The following NGFR variants were observed in gnomAD, a reference collection of about 807,000 sequenced individuals.
The protein encoded by NGFR is nerve growth factor receptor, also known as tumor necrosis factor receptor superfamily member 16.
NGFR carries 30 observed loss-of-function variants against 43.2 expected under a neutral mutation model. That is an observed-to-expected ratio of 0.69 (90% confidence interval 0.52 to 0.94). NGFR has a LOEUF of 0.94. Ranked by LOEUF, NGFR falls within the 40% of genes least tolerant of loss-of-function variation. The pLI is 0.00. For synonymous variants in NGFR, 246 were observed against 259.6 expected (o/e 0.95, Z 0.50); for missense variants, 529 against 602.5 (o/e 0.88, Z 1.28).
chr17:49,495,793 G>C lies in NGFR; in HGVS notation c.66+310G>C, dbSNP rs2071134859. 1 of 343,332 alleles carries C rather than the reference G, an allele frequency of 2.9e-6. No homozygotes were observed. The highest frequency in any genetic ancestry group is 4.8e-5 in the Admixed American group (1 of 20,816). 21.3% of individuals were successfully genotyped at this position (343,332 alleles called of 1,614,324 possible). A position where few individuals can be genotyped will look rare whatever the true frequency, so the allele number is the denominator to read the frequency against. Reference sequence around the variant, plus strand: ...GGGCATGGGGCTCTCCGATGCCCAGGTTCTTCGGAAGAGGACACTCGAATG... The same window carrying C: ...GGGCATGGGGCTCTCCGATGCCCAGCTTCTTCGGAAGAGGACACTCGAATG... On this transcript the variant is annotated intron_variant, in intron 1 of 5. Coordinates refer to ENST00000172229, the MANE Select transcript of NGFR (RefSeq NM_002507.4). This position sits in a 1 kb window ranked among gnomAD's most constrained non-coding sequence, Gnocchi z 6.4.
Position 49,512,987 on chromosome 17 carries a change from C to T in NGFR, c.1262C>T (p.Ser421Phe). 6.3e-7 allele frequency: 1 copy of T among 1,585,552 alleles called. No individual in the cohort carries two copies. The highest frequency in any genetic ancestry group is 8.6e-7 in the Non-Finnish European group (1 of 1,164,160). Residue 421 changes from serine to phenylalanine, a missense_variant, in exon 6 of 6, where the codon TCC becomes TTC. Transcript: ENST00000172229. This position sits in a 1 kb window ranked among gnomAD's most constrained non-coding sequence, Gnocchi z 5.2. ...CTCGTGGAGAGTCTGTGCAGTGAGT[C>T]CACTGCCACATCCCCGGTGTGAGCC... ...ADLVESLCSE[S>F]TATSPV
intron 4 of NGFR, among the ~76,000 whole-genome samples, chr17:49,511,441 G>A (rs1205624890): frequency 6.6e-6 from 1 of 151,646 alleles, no homozygotes; most frequent in African/African-American, 2.4e-5. Flanking sequence ...ATGTAGATTA[G>A]CTGATCATTT....
At chr17:49,496,139 G>A (rs1490962877) in intron 1 of NGFR, 1 of 153,132 alleles carries the variant, frequency 6.5e-6, no homozygotes, top group Non-Finnish European at 1.5e-5. Context: ...GAGGGCGGCA[G>A]AGAGATGGAA....
At chr17:49,501,896 C>A (rs983042669) in intron 1 of NGFR, among the ~76,000 whole-genome samples, 167 bp from the exon 2 acceptor site, 3 of 152,222 alleles carry the variant, frequency 2.0e-5, no homozygotes, top group African/African-American at 7.2e-5. Flanking sequence ...CTTGCCTTTC[C>A]CCTGTCAGCT....
At chr17:49,508,176 C>T (rs1451226562) in intron 3 of NGFR, among the ~76,000 whole-genome samples, 1 of 152,214 alleles carries the variant, frequency 6.6e-6, no homozygotes, top group African/African-American at 2.4e-5. Flanking sequence ...CCAGGCAGAG[C>T]GCAGGAAGGG....
At chr17:49,498,006 G>A (rs1207921747) in intron 1 of NGFR, among the ~76,000 whole-genome samples, 1 of 152,222 alleles carries the variant, frequency 6.6e-6, no homozygotes, top group Non-Finnish European at 1.5e-5. Context: ...AGTTTCTCTT[G>A]AATTATTTAA....
intron 4 of NGFR, among the ~76,000 whole-genome samples, chr17:49,511,305 G>C (rs1340212472): frequency 2.0e-5 from 3 of 152,038 alleles, no homozygotes; most frequent in Non-Finnish European, 4.4e-5. Context: ...TTATAAACAT[G>C]TATATAAACC....
In NGFR at chr17:49,506,546, C is replaced by A. The variant is rs1466146095; in HGVS notation, c.456C>A (p.Gly152=). ...CCGTGTGCGAGGAGTGCCCCGACGG[C>A]ACGTATTCCGACGAGGCCAACCACG... The part of the protein sequence containing the change: ...QNTVCEECPD[G]TYSDEANHVD... Residue 152 remains glycine, a synonymous_variant, in exon 3 of 6, where the codon GGC becomes GGA. Coordinates refer to ENST00000172229, the MANE Select transcript of NGFR (RefSeq NM_002507.4). 6.2e-7 allele frequency: 1 copy of A among 1,611,778 alleles called. No homozygotes were observed. The highest frequency in any genetic ancestry group is 1.7e-5 in the Admixed American group (1 of 59,976).
At chr17:49,501,958 A>C in intron 1 of NGFR, 105 bp from the exon 2 acceptor site, 2 of 1,200,528 alleles carry the variant, frequency 1.7e-6, no homozygotes, top group Non-Finnish European at 2.3e-6. Context: ...AGGTGGTTCT[A>C]ATAGAAGGCA....
At position 49,510,441 on chromosome 17, in the gene NGFR, A is replaced by C; in HGVS notation, c.598A>C (p.Thr200Pro). ...CCCTGGCCGTTGGATTACACGGTCC[A>C]CACCCCCAGAGGGCTCGGACAGCAC... is the stretch of plus-strand genomic sequence containing the variant. ...EIPGRWITRS[T>P]PPEGSDSTAP... Residue 200 changes from threonine to proline, a missense_variant, in exon 4 of 6, where the codon ACA becomes CCA. Coordinates refer to ENST00000172229, the MANE Select transcript of NGFR (RefSeq NM_002507.4). The C allele has an allele frequency of 6.2e-7, 1 of 1,613,982 alleles. No homozygotes were observed. The highest frequency in any genetic ancestry group is 8.5e-7 in the Non-Finnish European group (1 of 1,179,964).
At chr17:49,506,693 T>TGGGGGGGGGGGG in intron 3 of NGFR, 35 bp downstream of exon 3, 4 of 115,492 alleles carry the variant, frequency 3.5e-5, no homozygotes, top group Admixed American at 3.5e-4. Flanking sequence ...GGAGTGGGGG[T>TGGGGGGGGGGGG]GCGGGGGTGG....
chr17:49,510,287 A>G (rs1050717596), intron 3 of NGFR, 125 bp from the exon 4 acceptor site: 1 of 1,382,364 alleles, frequency 7.2e-7, no homozygotes, highest in Non-Finnish European at 9.9e-7. Context: ...CCAGCTGTGC[A>G]TAACAGCTGG....
chr17:49,509,931 T>C (rs1179760140), intron 3 of NGFR, among the ~76,000 whole-genome samples: 1 of 151,828 alleles, frequency 6.6e-6, no homozygotes, highest in Non-Finnish European at 1.5e-5. Flanking sequence ...AGGACAGGAG[T>C]GACTAGGGTC....
chr17:49,495,703 C>A lies in NGFR; in HGVS notation c.66+220C>A, dbSNP rs1254334980. On this transcript the variant is annotated intron_variant, in intron 1 of 5. Transcript: ENST00000172229. The surrounding 1 kb of genome is among the most constrained non-coding windows in gnomAD (Gnocchi z 6.4). Reference sequence around the variant, plus strand: ...GGTGGAGATGAGGGCAAGACCGGAGCACGGATGCCGGTCCTCAGGTACCGC... The same window carrying A: ...GGTGGAGATGAGGGCAAGACCGGAGAACGGATGCCGGTCCTCAGGTACCGC... The A allele has an allele frequency of 4.8e-6, 2 of 412,560 alleles. No individual in the cohort carries two copies. Among genetic ancestry groups the A allele is most frequent in the Non-Finnish European group, 8.3e-6 (2 of 240,744 alleles). 25.6% of individuals were successfully genotyped at this position (412,560 alleles called of 1,614,324 possible). A position where few individuals can be genotyped will look rare whatever the true frequency, so the allele number is the denominator to read the frequency against.
Position 49,495,303 on chromosome 17 carries a change from G to C in NGFR, c.-115G>C, listed in dbSNP as rs2071131233. The stretch of plus-strand genomic sequence containing the variant: ...CTCCCGCCCGCAGCCAGAGCGAGCC[G>C]AGCCGCGGCCAGCTCCGGCGGGCAG... On this transcript the variant is annotated 5_prime_UTR_variant, in exon 1 of 6. Transcript: ENST00000172229. This position sits in a 1 kb window ranked among gnomAD's most constrained non-coding sequence, Gnocchi z 6.4. 14 of 883,554 alleles carry C rather than the reference G, an allele frequency of 1.6e-5. No homozygotes were observed. The Admixed American group carries it at 4.4e-4, about 28-fold the overall frequency. The allele number at this position is 883,554 out of a possible 1,614,324, so 54.7% of individuals were successfully genotyped here.
At chr17:49,498,585 G>A (rs1567737487) in intron 1 of NGFR, among the ~76,000 whole-genome samples, 1 of 152,144 alleles carries the variant, frequency 6.6e-6, no homozygotes, top group African/African-American at 2.4e-5. Context: ...ACTTTCAACT[G>A]TTTCGCTGTT....
intron 1 of NGFR, among the ~76,000 whole-genome samples, chr17:49,498,468 TC>T (rs2071150913): frequency 6.6e-6 from 1 of 152,184 alleles, no homozygotes; most frequent in Admixed American, 6.5e-5. Context: ...TGAAAATCTC[TC>T]CCATCCCATG....
chr17:49,506,699 G>GGGGGGGGGGGGGGGGGGGCCC, intron 3 of NGFR, 41 bp downstream of exon 3: 1 of 402,094 alleles, frequency 2.5e-6, no homozygotes, highest in Non-Finnish European at 4.3e-6. Context: ...GGGGTGCGGG[G>GGGGGGGGGGGGGGGGGGGCCC]GTGGGCTGGG....
At position 49,512,902 on chromosome 17, in the gene NGFR, C is replaced by G. The variant is rs1415793130; in HGVS notation, c.1177C>G (p.Gln393Glu). The G allele has an allele frequency of 6.2e-7, 1 of 1,612,810 alleles. No individual in the cohort carries two copies. The highest frequency in any genetic ancestry group is 1.3e-5 in the African/African-American group (1 of 74,922). ...CGCCCTGCTTGCAAGCTGGGCCACCCAGGACAGCGCCACACTGGACGCCCT... is the reference window on the plus strand; with the variant it reads ...CGCCCTGCTTGCAAGCTGGGCCACCGAGGACAGCGCCACACTGGACGCCCT... ...VRALLASWAT[Q>E]DSATLDALLA... The change falls in exon 6 of 6, where the codon CAG (glutamine) becomes GAG (glutamate). Residue 393 changes from glutamine to glutamate, a missense_variant. Coordinates refer to ENST00000172229, the MANE Select transcript of NGFR (RefSeq NM_002507.4). The surrounding 1 kb of genome is among the most constrained non-coding windows in gnomAD (Gnocchi z 5.2).
Sources: allele counts gnomAD v4.1 joint callset (sites outside exome capture counted in the v4.1 genomes callset), GRCh38; gene constraint gnomAD v4.1.1; non-coding constraint Gnocchi (gnomAD v3.1); transcripts MANE v1.5; gene names NCBI Gene and HGNC (gene_info 2026-07-23, HGNC 2026-07-21).